Variants in FARP1 observed in about 807,000 individuals in gnomAD.
FARP1 encodes FERM, ARHGEF and pleckstrin domain-containing protein 1.
FARP1 carries 52 observed loss-of-function variants against 128.8 expected under a neutral mutation model. The ratio of observed to expected loss-of-function variants is 0.40; its 90% confidence interval spans 0.32 to 0.51. The LOEUF is 0.51. Among genes scored for constraint, FARP1 ranks in the 20% least tolerant of loss-of-function variants. The pLI is 0.45. For synonymous variants in FARP1, 580 were observed against 551.8 expected (o/e 1.05, Z -0.72); for missense variants, 1,333 against 1,367.9 (o/e 0.97, Z 0.40).
intron 2 of FARP1, chr13:98,245,160 T>G (rs1454820308): frequency 2.0e-5 from 20 of 992,112 alleles, no homozygotes; most frequent in Non-Finnish European, 2.4e-5. Context: ...CTGAAAGGGT[T>G]TAGTTTTTAA....
intron 2 of FARP1, among the ~76,000 whole-genome samples, chr13:98,262,269 C>T (rs871554): frequency 0.013 from 1,907 of 151,894 alleles, 33 homozygotes; most frequent in African/African-American, 0.043. Flanking sequence ...GATCCACCTG[C>T]CTTAGCCTCT....
chr13:98,244,885 C>A (rs1460614491), intron 2 of FARP1: 22 of 1,429,628 alleles, frequency 1.5e-5, no homozygotes, highest in Non-Finnish European at 2.0e-5. Flanking sequence ...CAGAGGGGCC[C>A]ATCCACTCCT....
chr13:98,439,300 A>C, intron 21 of FARP1, 104 bp downstream of exon 21: 1 of 754,490 alleles, frequency 1.3e-6, no homozygotes, highest in South Asian at 1.8e-5. Flanking sequence ...ATAGGGAGGG[A>C]GAGGGTGGCT....
chr13:98,305,119 T>TATA (rs769255549), intron 2 of FARP1, among the ~76,000 whole-genome samples: 383 of 5,282 alleles, frequency 0.073, no homozygotes, highest in East Asian at 0.3. Flanking sequence ...TATATATATA[T>TATA]TTTTTAATTT....
chr13:98,187,600 A>C (rs1159637584), intron 1 of FARP1, among the ~76,000 whole-genome samples: 1 of 152,222 alleles, frequency 6.6e-6, no homozygotes, highest in Non-Finnish European at 1.5e-5. Flanking sequence ...CTTGAATGTC[A>C]GGCGAAATAA....
At chr13:98,443,311 A>T (rs1892604755) in intron 24 of FARP1, among the ~76,000 whole-genome samples, 1 of 152,194 alleles carries the variant, frequency 6.6e-6, no homozygotes, top group Non-Finnish European at 1.5e-5. Flanking sequence ...ACCACCTAGT[A>T]CAGTCAGGGA....
chr13:98,238,381 C>CT (rs924238818), intron 2 of FARP1, among the ~76,000 whole-genome samples: 2 of 152,110 alleles, frequency 1.3e-5, no homozygotes, highest in South Asian at 4.2e-4. Context: ...TTGTCTGTAG[C>CT]TTTTTTGTAA....
At chr13:98,318,256 C>G (rs1258413126) in intron 2 of FARP1, among the ~76,000 whole-genome samples, 1 of 151,706 alleles carries the variant, frequency 6.6e-6, no homozygotes, top group Non-Finnish European at 1.5e-5. Flanking sequence ...ATATGGTCTC[C>G]CTGTGTTGTT....
chr13:98,295,112 C>A (rs1885627801), intron 2 of FARP1, among the ~76,000 whole-genome samples: 1 of 138,484 alleles, frequency 7.2e-6, no homozygotes, highest in African/African-American at 2.7e-5. Flanking sequence ...CACATATATC[C>A]CCAGGCATTA....
chr13:98,440,866 C>A, intron 24 of FARP1, 30 bp downstream of exon 24: 1 of 1,563,338 alleles, frequency 6.4e-7, no homozygotes, highest in East Asian at 2.4e-5. Flanking sequence ...CTCTGGTTCC[C>A]AGCTTGTGCT....
intron 2 of FARP1, among the ~76,000 whole-genome samples, chr13:98,334,729 A>G (rs1887670670): frequency 6.6e-6 from 1 of 152,148 alleles, no homozygotes; most frequent in Non-Finnish European, 1.5e-5. Context: ...TGGAGCTCTG[A>G]TCTGATAGAA....
chr13:98,381,022 T>C (rs576650772), intron 6 of FARP1, among the ~76,000 whole-genome samples: 1 of 152,294 alleles, frequency 6.6e-6, no homozygotes, highest in South Asian at 2.1e-4. Flanking sequence ...CAGTATACCA[T>C]TTTCCCCCCA....
At chr13:98,304,717 G>A (rs12323272) in intron 2 of FARP1, among the ~76,000 whole-genome samples, 2,733 of 152,316 alleles carry the variant, frequency 0.018, 81 homozygotes, top group African/African-American at 0.062. Flanking sequence ...TGATGTTTCT[G>A]TCTGAAGCCA....
At chr13:98,274,283 C>T (rs748450861) in intron 2 of FARP1, among the ~76,000 whole-genome samples, 15 of 152,094 alleles carry the variant, frequency 9.9e-5, no homozygotes, top group East Asian at 3.9e-4. Flanking sequence ...GCTTTGTTGG[C>T]GCACAGGGCC....
intron 16 of FARP1, among the ~76,000 whole-genome samples, chr13:98,418,072 C>A (rs149594768): frequency 6.6e-6 from 1 of 152,092 alleles, no homozygotes; most frequent in Non-Finnish European, 1.5e-5. Flanking sequence ...TTTTTAGAGA[C>A]AAAGTCTCGC....
In FARP1 at chr13:98,176,169, CTT is replaced by C; in HGVS notation, c.-24+32682_-24+32683del. 6.2e-7 allele frequency: 1 copy of C among 1,610,408 alleles called. No homozygotes were observed. The highest frequency in any genetic ancestry group is 1.1e-5 in the South Asian group (1 of 90,752). On this transcript the variant is annotated intron_variant, in intron 1 of 26. Transcript: ENST00000319562. This position sits in a 1 kb window ranked among gnomAD's most constrained non-coding sequence, Gnocchi z 6.2. ...ATACAGACTTGAGTCTTTCTTATCT[CTT>C]TTTTCCTAAAAGAACAAAAAAATTT...
chr13:98,300,332 G>A (rs561426103), intron 2 of FARP1, among the ~76,000 whole-genome samples: 10 of 152,276 alleles, frequency 6.6e-5, no homozygotes, highest in South Asian at 4.2e-4. Context: ...GGCCACTGTC[G>A]TTTGCACGGA....
chr13:98,344,091 G>C (rs1302197100), intron 3 of FARP1, among the ~76,000 whole-genome samples: 1 of 152,166 alleles, frequency 6.6e-6, no homozygotes, highest in Admixed American at 6.5e-5. Flanking sequence ...CTATGTATCG[G>C]CCCTCACAGT....
At chr13:98,430,675 T>C (rs1313419756) in intron 17 of FARP1, among the ~76,000 whole-genome samples, 2 of 152,234 alleles carry the variant, frequency 1.3e-5, no homozygotes, top group African/African-American at 4.8e-5. Context: ...GTTTGTTATC[T>C]GAAGACATTT....
Sources: gnomAD v4.1 joint callset for allele counts (sites outside exome capture counted in the v4.1 genomes callset) on GRCh38, gnomAD v4.1.1 for gene constraint, Gnocchi (gnomAD v3.1) non-coding constraint, MANE v1.5 for transcripts, NCBI Gene and HGNC (gene_info 2026-07-23, HGNC 2026-07-21) for gene names.